LINGO2: variants seen among roughly 807,000 people sequenced by gnomAD.
LINGO2 encodes leucine-rich repeat and immunoglobulin-like domain-containing nogo receptor-interacting protein 2.
In LINGO2, 14 loss-of-function variants were observed where a neutral mutation model predicts 30.6. The ratio of observed to expected loss-of-function variants is 0.46; its 90% CI spans 0.30 to 0.72. The LOEUF (loss-of-function observed/expected upper bound fraction) is 0.72. Among genes scored for constraint, LINGO2 ranks in the 30% least tolerant of loss-of-function variants. The pLI, the probability that LINGO2 is intolerant of heterozygous loss-of-function variation, is 0.07. For synonymous variants in LINGO2, 317 were observed against 288.5 expected, an observed-to-expected ratio of 1.10 and a Z score of -1.00; for missense variants, 729 against 751.7, an observed-to-expected ratio of 0.97 and a Z score of 0.35.
chr9:28,993,924 A>C, the LINGO2 span, among the ~76,000 whole-genome samples: 1 of 151,928 alleles, frequency 6.6e-6, no homozygotes, highest in African/African-American at 2.4e-5. Flanking sequence ...CTGAATGGGC[A>C]AAAACTGGAA....
At chr9:29,097,427 C>T in the LINGO2 span, among the ~76,000 whole-genome samples, 1 of 137,872 alleles carries the variant, frequency 7.3e-6, no homozygotes, top group Non-Finnish European at 1.6e-5. Context: ...AATTTATGCC[C>T]TTTCTTCTAC....
At chr9:28,933,286 C>A in the LINGO2 span, among the ~76,000 whole-genome samples, 1 of 152,106 alleles carries the variant, frequency 6.6e-6, no homozygotes, top group African/African-American at 2.4e-5. Context: ...ATATCACCAC[C>A]CTGCTTCATT....
chr9:28,324,242 A>T (rs1825146129), intron 3 of LINGO2, among the ~76,000 whole-genome samples: 1 of 152,170 alleles, frequency 6.6e-6, no homozygotes, highest in Admixed American at 6.5e-5. Context: ...GTTTTTAAAA[A>T]AATAATAGCC....
At chr9:28,753,180 C>A in the LINGO2 span, among the ~76,000 whole-genome samples, 20 of 152,068 alleles carry the variant, frequency 1.3e-4, 1 homozygote, top group South Asian at 3.9e-3. Context: ...CACTTATACT[C>A]CAGGAGTGAG....
intron 3 of LINGO2, among the ~76,000 whole-genome samples, chr9:28,326,226 G>A (rs959924479): frequency 2.0e-5 from 3 of 152,086 alleles, no homozygotes; most frequent in Non-Finnish European, 2.9e-5. Flanking sequence ...ATGCTGGTCT[G>A]TAACTCCTGA....
intron 3 of LINGO2, among the ~76,000 whole-genome samples, chr9:28,365,717 A>C (rs1820639074): frequency 6.6e-6 from 1 of 151,222 alleles, no homozygotes; most frequent in South Asian, 2.1e-4. Context: ...TTTCAGAGTT[A>C]AAGAATGGGG....
intron 1 of LINGO2, among the ~76,000 whole-genome samples, chr9:28,524,130 T>C (rs1423280245): frequency 1.3e-5 from 2 of 152,010 alleles, no homozygotes; most frequent in African/African-American, 4.8e-5. Flanking sequence ...AACTTTAGGG[T>C]CAATTGATTT....
At chr9:29,152,285 A>G in the LINGO2 span, among the ~76,000 whole-genome samples, 1 of 152,268 alleles carries the variant, frequency 6.6e-6, no homozygotes, top group East Asian at 1.9e-4. Flanking sequence ...AAAACTACCA[A>G]TCAACCCAAC....
the LINGO2 span, among the ~76,000 whole-genome samples, chr9:28,795,983 T>TACACAC: frequency 0.066 from 9,168 of 138,122 alleles, 324 homozygotes; most frequent in African/African-American, 0.09. Context: ...CAGTACTAGA[T>TACACAC]ACACACACAC....
intron 4 of LINGO2, among the ~76,000 whole-genome samples, chr9:28,265,900 A>G (rs1166193740): frequency 3.9e-5 from 6 of 151,972 alleles, no homozygotes; most frequent in African/African-American, 1.4e-4. Flanking sequence ...TCATAAACAT[A>G]AACATGCCTG....
At chr9:28,753,166 T>C in the LINGO2 span, among the ~76,000 whole-genome samples, 1 of 151,922 alleles carries the variant, frequency 6.6e-6, no homozygotes, top group Non-Finnish European at 1.5e-5. Flanking sequence ...TCCTCACAGG[T>C]CTACACTTAT....
chr9:28,038,647 T>A (rs945969941), intron 4 of LINGO2, among the ~76,000 whole-genome samples: 1 of 149,560 alleles, frequency 6.7e-6, no homozygotes, highest in African/African-American at 2.5e-5. Flanking sequence ...GAGCCGAGAT[T>A]GCACCACTGC....
At chr9:28,141,924 A>T (rs1413453492) in intron 4 of LINGO2, among the ~76,000 whole-genome samples, 1 of 152,192 alleles carries the variant, frequency 6.6e-6, no homozygotes, top group Non-Finnish European at 1.5e-5. Context: ...AAAACACAAA[A>T]TTCTTAGCTA....
chr9:28,281,071 T>G (rs141017478), intron 4 of LINGO2, among the ~76,000 whole-genome samples: 3 of 152,120 alleles, frequency 2.0e-5, no homozygotes, highest in Non-Finnish European at 2.9e-5. Flanking sequence ...ATGCAAACTT[T>G]GAAAATTAGC....
At chr9:28,302,320 C>T (rs746683246) in intron 3 of LINGO2, among the ~76,000 whole-genome samples, 1 of 152,180 alleles carries the variant, frequency 6.6e-6, no homozygotes, top group Non-Finnish European at 1.5e-5. Flanking sequence ...AAGAACAGTG[C>T]CACTGCATTA....
chr9:29,193,277 G>A, the LINGO2 span, among the ~76,000 whole-genome samples: 1 of 152,086 alleles, frequency 6.6e-6, no homozygotes, highest in Non-Finnish European at 1.5e-5. Context: ...GGCTCTCTGA[G>A]TCTTCAGAGT....
At chr9:28,199,616 G>C (rs968245089) in intron 4 of LINGO2, among the ~76,000 whole-genome samples, 2 of 152,160 alleles carry the variant, frequency 1.3e-5, no homozygotes, top group Admixed American at 6.5e-5. Flanking sequence ...GGGATTACAG[G>C]CGTGAGCCAC....
chr9:28,206,164 CAAAAAAA>C (rs34169188), intron 4 of LINGO2, among the ~76,000 whole-genome samples: 3 of 73,526 alleles, frequency 4.1e-5, no homozygotes, highest in Non-Finnish European at 7.4e-5. Context: ...GACCCTGTTT[CAAAAAAA>C]AAAAAAAAAA....
chr9:28,008,872 T>C (rs1190616407), intron 5 of LINGO2, among the ~76,000 whole-genome samples: 3 of 152,160 alleles, frequency 2.0e-5, no homozygotes, highest in African/African-American at 7.2e-5. Flanking sequence ...GTAATACATA[T>C]CAAAATCATG....
Sources: gnomAD v4.1 joint callset for allele counts (sites outside exome capture counted in the v4.1 genomes callset) on GRCh38, gnomAD v4.1.1 for gene constraint, MANE v1.5 for transcripts, NCBI Gene and HGNC (gene_info 2026-07-23, HGNC 2026-07-21) for gene names.